The following ANO3 variants were observed in gnomAD, a reference collection of about 807,000 sequenced individuals.
ANO3 encodes anoctamin 3.
In ANO3, 99 loss-of-function variants were observed where a neutral mutation model predicts 144.8. That is an observed-to-expected ratio of 0.68 (90% CI 0.58 to 0.81). The LOEUF (loss-of-function observed/expected upper bound fraction) is 0.81, where lower values mean the gene tolerates loss of function less well. ANO3 is among the 30% of genes least tolerant of loss of function. The pLI, the probability that ANO3 is intolerant of heterozygous loss-of-function variation, is 0.00. For synonymous variants in ANO3, 414 were observed against 392.6 expected (o/e 1.05, Z -0.64); for missense variants, 905 against 1,202.2 (o/e 0.75, Z 3.66).
intron 11 of ANO3, among the ~76,000 whole-genome samples, chr11:26,543,374 T>C (rs941124359): frequency 2.2e-4 from 34 of 151,972 alleles, no homozygotes; most frequent in African/African-American, 8.2e-4. Flanking sequence ...GAGGTAGACC[T>C]CCTAGTGCCT....
At chr11:26,604,021 T>A (rs1017254888) in intron 17 of ANO3, among the ~76,000 whole-genome samples, 3 of 152,172 alleles carry the variant, frequency 2.0e-5, no homozygotes, top group Admixed American at 6.5e-5. Context: ...AATGTCACCC[T>A]ACTGTGCAGT....
At chr11:26,399,740 T>C (rs1027472060) in intron 1 of ANO3, among the ~76,000 whole-genome samples, 1 of 152,002 alleles carries the variant, frequency 6.6e-6, no homozygotes, top group African/African-American at 2.4e-5. Context: ...CTGCCCCCTT[T>C]CCTGCACCTC....
chr11:26,438,639 A>G (rs544025139), intron 1 of ANO3, among the ~76,000 whole-genome samples: 62 of 150,294 alleles, frequency 4.1e-4, no homozygotes, highest in African/African-American at 1.5e-3. Context: ...ATAGCCAGGC[A>G]TGGTGGCGGG....
chr11:26,279,882 A>G (rs956248773), intron 1 of ANO3, among the ~76,000 whole-genome samples: 1 of 152,152 alleles, frequency 6.6e-6, no homozygotes, highest in African/African-American at 2.4e-5. Flanking sequence ...AATACCCAAT[A>G]CTTGCTCTTA....
chr11:26,394,565 AT>A (rs1325369513), intron 1 of ANO3, among the ~76,000 whole-genome samples: 2 of 118,004 alleles, frequency 1.7e-5, no homozygotes, highest in Non-Finnish European at 3.5e-5. Flanking sequence ...AATTGATTTC[AT>A]TTTCTTTTTT....
At chr11:26,258,135 T>A (rs944723062) in intron 1 of ANO3, among the ~76,000 whole-genome samples, 3 of 152,088 alleles carry the variant, frequency 2.0e-5, no homozygotes, top group Non-Finnish European at 4.4e-5. Flanking sequence ...TTCAGCAGAG[T>A]AAAATTGAGG....
At chr11:26,289,449 T>C (rs1393918971) in intron 1 of ANO3, among the ~76,000 whole-genome samples, 2 of 149,434 alleles carry the variant, frequency 1.3e-5, no homozygotes, top group Non-Finnish European at 3.0e-5. Context: ...TTAATATATA[T>C]ATAGCACTGC....
chr11:26,284,797 T>C (rs1234146504), intron 1 of ANO3, among the ~76,000 whole-genome samples: 8 of 151,670 alleles, frequency 5.3e-5, no homozygotes, highest in African/African-American at 1.5e-4. Context: ...TCCCAGCTAC[T>C]CCGGAGGCTG....
intron 1 of ANO3, among the ~76,000 whole-genome samples, chr11:26,276,038 G>A (rs111797358): frequency 4.6e-5 from 7 of 152,132 alleles, no homozygotes; most frequent in South Asian, 2.1e-4. Context: ...TAGAGTTAGC[G>A]GCCAAATATG....
intron 24 of ANO3, among the ~76,000 whole-genome samples, chr11:26,648,622 C>T (rs530880664): frequency 1.3e-5 from 2 of 152,242 alleles, no homozygotes; most frequent in South Asian, 4.1e-4. Flanking sequence ...AGTTTAGAAC[C>T]ACTGCTTTAG....
intron 8 of ANO3, 84 bp downstream of exon 8, chr11:26,531,420 C>A: frequency 7.1e-7 from 1 of 1,416,156 alleles, no homozygotes; most frequent in Non-Finnish European, 9.5e-7. Context: ...GGGACCATTT[C>A]CATTGTTTAC....
intron 1 of ANO3, among the ~76,000 whole-genome samples, chr11:26,324,982 C>T (rs981761290): frequency 2.6e-5 from 4 of 152,144 alleles, no homozygotes; most frequent in African/African-American, 9.7e-5. Flanking sequence ...CTCAAGGATT[C>T]AATTTCCTGG....
intron 1 of ANO3, among the ~76,000 whole-genome samples, chr11:26,254,903 T>G (rs1853020165): frequency 6.6e-6 from 1 of 152,132 alleles, no homozygotes; most frequent in Non-Finnish European, 1.5e-5. Context: ...AAAACAACCA[T>G]TTGAGATTGT....
chr11:26,343,610 T>G (rs929962089), intron 1 of ANO3, among the ~76,000 whole-genome samples: 1 of 152,226 alleles, frequency 6.6e-6, no homozygotes, highest in Non-Finnish European at 1.5e-5. Context: ...CTGAAGTTAC[T>G]TTTAGTACAG....
chr11:26,407,983 T>C (rs942766943), intron 1 of ANO3, among the ~76,000 whole-genome samples: 3 of 152,016 alleles, frequency 2.0e-5, no homozygotes, highest in Non-Finnish European at 4.4e-5. Flanking sequence ...TCAAGATGGA[T>C]TAAAGACTTA....
intron 17 of ANO3, among the ~76,000 whole-genome samples, chr11:26,602,745 A>T (rs11029631): frequency 0.39 from 43,552 of 110,490 alleles, 6,643 homozygotes; most frequent in South Asian, 0.58. Context: ...CATGAGACCA[A>T]GTCTCAAAAA....
intron 3 of ANO3, among the ~76,000 whole-genome samples, chr11:26,454,731 G>C (rs1328162552): frequency 6.6e-6 from 1 of 152,018 alleles, no homozygotes; most frequent in Non-Finnish European, 1.5e-5. Flanking sequence ...TATGAGGCCA[G>C]CATCTTCCTG....
intron 1 of ANO3, among the ~76,000 whole-genome samples, chr11:26,235,754 T>G (rs905158795): frequency 6.6e-6 from 1 of 151,984 alleles, no homozygotes; most frequent in Non-Finnish European, 1.5e-5. Context: ...GTTTCTATTT[T>G]AGACCATTTT....
chr11:26,318,929 T>C (rs1324227215), intron 1 of ANO3, among the ~76,000 whole-genome samples: 1 of 152,164 alleles, frequency 6.6e-6, no homozygotes, highest in African/African-American at 2.4e-5. Flanking sequence ...AGTGTGTATA[T>C]GTGGCAATAC....
Sources: gnomAD v4.1 joint callset for allele counts (sites outside exome capture counted in the v4.1 genomes callset) on GRCh38, gnomAD v4.1.1 for gene constraint, MANE v1.5 for transcripts, NCBI Gene and HGNC (gene_info 2026-07-23, HGNC 2026-07-21) for gene names.